The following RAB14 variants were observed in gnomAD, a reference collection of about 807,000 sequenced individuals.
RAB14 encodes the protein RAB14, member RAS oncogene family, also known as ras-related protein Rab-14.
RAB14 carries 3 observed loss-of-function variants against 31.1 expected under a neutral mutation model. The observed-to-expected ratio is 0.10, with a 90% CI of 0.04 to 0.25. The LOEUF (loss-of-function observed/expected upper bound fraction) is 0.25. Ranked by LOEUF, RAB14 falls within the 10% of genes least tolerant of loss-of-function variation. RAB14 has a pLI of 1.00. For synonymous variants in RAB14, 85 were observed against 84.9 expected, an observed-to-expected ratio of 1.00 and a Z score of 0.00; for missense variants, 111 against 260.1, an observed-to-expected ratio of 0.43 and a Z score of 3.94.
In RAB14 at chr9:121,190,577, A is replaced by C; in HGVS notation, c.261T>G (p.Ala87=). ...TRSYYRGAAG[A]LMVYDITRRS... is the part of the protein sequence containing the mutation. ...ACCTAGTGATATCATAGACCATAAGAGCTCCCGCAGCTCCTCTGTAGTAGC... is the reference window on the plus strand; with the variant it reads ...ACCTAGTGATATCATAGACCATAAGCGCTCCCGCAGCTCCTCTGTAGTAGC... The change falls in exon 4 of 8, where the codon GCT becomes GCG. Residue 87 remains alanine, a synonymous_variant. Coordinates refer to ENST00000373840, the MANE Select transcript of RAB14 (RefSeq NM_016322.4). 6.2e-7 allele frequency: 1 copy of C among 1,612,718 alleles called. No individual in the cohort carries two copies. The highest frequency in any genetic ancestry group is 8.5e-7 in the Non-Finnish European group (1 of 1,179,250).
intron 4 of RAB14, among the ~76,000 whole-genome samples, chr9:121,189,227 GTACTTT>G (rs2053673993): frequency 1.3e-5 from 2 of 152,126 alleles, no homozygotes; most frequent in Non-Finnish European, 2.9e-5. Context: ...CCCAGCTGAA[GTACTTT>G]TTTTGATGAC....
At chr9:121,183,743 C>T (rs1345914093) in intron 5 of RAB14, among the ~76,000 whole-genome samples, 1 of 152,112 alleles carries the variant, frequency 6.6e-6, no homozygotes, top group Non-Finnish European at 1.5e-5. Context: ...ATCCTTAGTT[C>T]ACAAGCCAGT....
intron 2 of RAB14, among the ~76,000 whole-genome samples, chr9:121,192,886 T>C (rs1384556998): frequency 6.6e-6 from 1 of 152,104 alleles, no homozygotes; most frequent in Non-Finnish European, 1.5e-5. Context: ...ATAAATAGCA[T>C]TAAGACTTAA....
Position 121,187,010 on chromosome 9 carries a change from T to G in RAB14, c.294A>C (p.Thr98=). 1 of 1,558,116 alleles carries G rather than the reference T, an allele frequency of 6.4e-7. No individual in the cohort carries two copies. Among genetic ancestry groups the G allele is most frequent in the Non-Finnish European group, 8.7e-7 (1 of 1,153,508 alleles). ...LMVYDITRRS[T]YNHLSSWLTD... ...TCAACCAGCTGCTTAAGTGGTTATA[T>G]GTACTTCTTCTGCAAAAATAAAAGT... The change falls in exon 5 of 8, where the codon ACA becomes ACC. Residue 98 remains threonine, a synonymous_variant. Transcript: ENST00000373840.
rs191262004 is a variant in RAB14, at chr9:121,200,550, G to C, written c.-8+1089C>G. Among the ~76,000 whole-genome samples, 210 of 152,274 alleles carry C rather than the reference G, an allele frequency of 1.4e-3. 2 individuals are homozygous for C. Among genetic ancestry groups the C allele is most frequent in the African/African-American group, 4.6e-3 (192 of 41,546 alleles). The stretch of plus-strand genomic sequence containing the variant: ...TCTCCTTTGGGGTTTGTAAGCATGA[G>C]GATTTGCCAGTGTAGTGGTTGACTT... On this transcript the variant is annotated intron_variant, in intron 1 of 7. Transcript: ENST00000373840.
At chr9:121,192,365 A>T (rs999464935) in intron 2 of RAB14, 141 bp from the exon 3 acceptor site, 11 of 487,652 alleles carry the variant, frequency 2.3e-5, no homozygotes, top group African/African-American at 1.2e-4. Flanking sequence ...ATAATGATTC[A>T]AAAGTTTTCA....
At chr9:121,188,601 C>G (rs572873812) in intron 4 of RAB14, among the ~76,000 whole-genome samples, 2 of 151,366 alleles carry the variant, frequency 1.3e-5, no homozygotes, top group East Asian at 1.9e-4. Context: ...ACTGTCACGA[C>G]AAGCTACGCT....
intron 1 of RAB14, among the ~76,000 whole-genome samples, chr9:121,197,901 T>A (rs1312088081): frequency 6.6e-6 from 1 of 152,100 alleles, no homozygotes; most frequent in Non-Finnish European, 1.5e-5. Context: ...CAAAATAATA[T>A]CCATGTAGTT....
Position 121,192,199 on chromosome 9 carries a change from G to A in RAB14, c.78C>T (p.Cys26=). 2 of 1,598,742 alleles carry A rather than the reference G, an allele frequency of 1.3e-6. No individual in the cohort carries two copies. Among genetic ancestry groups the A allele is most frequent in the South Asian group, 1.1e-5 (1 of 89,580 alleles). Residue 26 remains cysteine, a synonymous_variant, in exon 3 of 8, where the codon TGC becomes TGT. Coordinates refer to ENST00000373840, the MANE Select transcript of RAB14 (RefSeq NM_016322.4). ...TTTTTTCTGTAAATTGATGAAGCAAGCAAGATTTTCCTACTCCCATGTCCC... is the reference window on the plus strand; with the variant it reads ...TTTTTTCTGTAAATTGATGAAGCAAACAAGATTTTCCTACTCCCATGTCCC... ...IIGDMGVGKS[C]LLHQFTEKKF...
At chr9:121,197,095 G>A (rs922917542) in intron 1 of RAB14, among the ~76,000 whole-genome samples, 13 of 152,164 alleles carry the variant, frequency 8.5e-5, no homozygotes, top group Non-Finnish European at 1.5e-5. Context: ...TTTCAGGTAT[G>A]TACAGGTAGA....
chr9:121,181,695 T>C, intron 7 of RAB14, 122 bp from the exon 8 acceptor site: 2 of 589,368 alleles, frequency 3.4e-6, no homozygotes, highest in Non-Finnish European at 5.6e-6. Flanking sequence ...TGTCATCTAA[T>C]AAGAGATTAC....
At chr9:121,181,823 C>G (rs1323352991) in intron 7 of RAB14, among the ~76,000 whole-genome samples, 1 of 146,314 alleles carries the variant, frequency 6.8e-6, no homozygotes, top group East Asian at 2.1e-4. Flanking sequence ...TCTCAGCTCA[C>G]TGCAACCTCC....
chr9:121,185,293 C>A (rs1466925303), intron 5 of RAB14, among the ~76,000 whole-genome samples: 1 of 152,050 alleles, frequency 6.6e-6, no homozygotes, highest in African/African-American at 2.4e-5. Flanking sequence ...TCCTGTGTAC[C>A]CTTCACCAAA....
rs954437688 is a variant in RAB14 at position 121,192,058 on chromosome 9, T to C, written c.106+113A>G. The C allele has an allele frequency of 2.5e-5, 18 of 724,768 alleles. No homozygotes were observed. The African/African-American group carries it at 2.5e-4, about 10-fold the overall frequency. The allele number at this position is 724,768 out of a possible 1,614,324, so 44.9% of individuals were successfully genotyped here. A position where few individuals can be genotyped will look rare whatever the true frequency, so the allele number is the denominator to read the frequency against. On this transcript the variant is annotated intron_variant, in intron 3 of 7. Coordinates refer to ENST00000373840, the MANE Select transcript of RAB14 (RefSeq NM_016322.4). ...TACCCATTTAAAAAAAGTACAAATA[T>C]AGGGAAAGGTTATATTTAAATGCAT... is the stretch of plus-strand genomic sequence containing the variant.
rs2053609410 is a variant in RAB14 at position 121,178,356 on chromosome 9, T to C, written c.*3040A>G. 6.6e-6 allele frequency: 1 copy of C among 152,518 alleles called. No individual in the cohort carries two copies. The highest frequency in any genetic ancestry group is 2.4e-5 in the African/African-American group (1 of 41,468). The allele number at this position is 152,518 out of a possible 1,614,324, so 9.4% of individuals were successfully genotyped here. On this transcript the variant is annotated 3_prime_UTR_variant, in exon 8 of 8. Coordinates refer to ENST00000373840, the MANE Select transcript of RAB14 (RefSeq NM_016322.4). ...GCTAAAAGGCCTGGCCTAGTCACAA[T>C]TACTGACATCCTTCTGGGACACAAT...
At chr9:121,198,755 C>T (rs540564084) in intron 1 of RAB14, among the ~76,000 whole-genome samples, 1 of 152,314 alleles carries the variant, frequency 6.6e-6, no homozygotes, top group East Asian at 1.9e-4. Flanking sequence ...ACAACACTGT[C>T]TCTGCCTTCG....
chr9:121,201,343 G>A (rs565058012), intron 1 of RAB14, among the ~76,000 whole-genome samples: 79 of 152,234 alleles, frequency 5.2e-4, no homozygotes, highest in African/African-American at 1.7e-3. Flanking sequence ...AGGCGGGGAA[G>A]GCGAGGCCGG....
rs2053623979 is a variant in RAB14 at position 121,179,936 on chromosome 9, A to C, written c.*1460T>G. On this transcript the variant is annotated 3_prime_UTR_variant, in exon 8 of 8. Coordinates refer to ENST00000373840, the MANE Select transcript of RAB14 (RefSeq NM_016322.4). ...CTCAATTCCCAGCCACTGAATCATA[A>C]ATGCAATAAAAAAAATCAACAGAAA... The C allele has an allele frequency of 6.6e-6, 1 of 151,292 alleles. No homozygotes were observed. Among genetic ancestry groups the C allele is most frequent in the East Asian group, 1.9e-4 (1 of 5,194 alleles). The allele number at this position is 151,292 out of a possible 1,614,324, so 9.4% of individuals were successfully genotyped here.
chr9:121,194,740 A>G (rs912522533), intron 1 of RAB14, among the ~76,000 whole-genome samples: 1 of 152,160 alleles, frequency 6.6e-6, no homozygotes, highest in African/African-American at 2.4e-5. Flanking sequence ...TCACCTTACT[A>G]TATACCATAT....
Sources: gnomAD v4.1 joint callset for allele counts (sites outside exome capture counted in the v4.1 genomes callset) on GRCh38, gnomAD v4.1.1 for gene constraint, MANE v1.5 for transcripts, NCBI Gene and HGNC (gene_info 2026-07-23, HGNC 2026-07-21) for gene names.